The following FNDC3B variants were observed in gnomAD, a reference collection of about 807,000 sequenced individuals.
FNDC3B encodes the protein fibronectin type III domain containing 3B.
In FNDC3B, 12 loss-of-function variants were observed where a neutral mutation model predicts 151.5. The observed-to-expected ratio is 0.08, with a 90% CI of 0.05 to 0.13. The LOEUF (loss-of-function observed/expected upper bound fraction) is 0.13, where lower values mean the gene tolerates loss of function less well. Ranked by LOEUF, FNDC3B falls within the 10% of genes least tolerant of loss-of-function variation. The probability of loss-of-function intolerance (pLI) is 1.00; values close to 1 mark genes in which losing one functional copy is unlikely to be tolerated. For synonymous variants in FNDC3B, 528 were observed against 549.0 expected, an observed-to-expected ratio of 0.96 and a Z score of 0.54; for missense variants, 1,214 against 1,505.3, an observed-to-expected ratio of 0.81 and a Z score of 3.20.
chr3:172,377,080 T>C (rs1365397860), intron 23 of FNDC3B, among the ~76,000 whole-genome samples: 2 of 152,196 alleles, frequency 1.3e-5, no homozygotes, highest in Admixed American at 6.5e-5. Context: ...CAGCAGATGT[T>C]CAAGAAATGT....
intron 23 of FNDC3B, among the ~76,000 whole-genome samples, chr3:172,372,183 C>T (rs1163269774): frequency 2.0e-5 from 3 of 152,166 alleles, no homozygotes; most frequent in Non-Finnish European, 2.9e-5. Flanking sequence ...TGTGTTGTAT[C>T]CAAACTCCCT....
At chr3:172,268,240 T>G (rs371018942) in intron 6 of FNDC3B, among the ~76,000 whole-genome samples, 43 of 152,374 alleles carry the variant, frequency 2.8e-4, no homozygotes, top group African/African-American at 9.9e-4. Flanking sequence ...GCATACTTAA[T>G]TATATAGTTT....
At chr3:172,310,280 T>C (rs148750551) in intron 10 of FNDC3B, among the ~76,000 whole-genome samples, 1,559 of 152,336 alleles carry the variant, frequency 0.01, 28 homozygotes, top group African/African-American at 0.036. Context: ...TGCTAACGTA[T>C]GAAGGATGAA....
chr3:172,080,443 AT>A (rs1553758865), intron 1 of FNDC3B, among the ~76,000 whole-genome samples: 5 of 149,238 alleles, frequency 3.4e-5, no homozygotes, highest in African/African-American at 4.9e-5. Flanking sequence ...GCTAATTTAA[AT>A]TTTTTTTTTT....
chr3:172,169,774 T>C (rs952114473), intron 3 of FNDC3B, among the ~76,000 whole-genome samples: 2 of 152,258 alleles, frequency 1.3e-5, no homozygotes, highest in African/African-American at 4.8e-5. Flanking sequence ...CTGGATGAGT[T>C]ACTTTGTTCC....
intron 3 of FNDC3B, among the ~76,000 whole-genome samples, chr3:172,154,144 C>A (rs952056797): frequency 1.4e-4 from 22 of 152,074 alleles, no homozygotes; most frequent in African/African-American, 5.1e-4. Flanking sequence ...TTCTAATAGG[C>A]CCCCCAAAAG....
At chr3:172,241,757 A>T (rs576055776) in intron 4 of FNDC3B, among the ~76,000 whole-genome samples, 19 of 152,336 alleles carry the variant, frequency 1.2e-4, no homozygotes, top group African/African-American at 3.6e-4. Flanking sequence ...AAACCATATC[A>T]TTATGTACCT....
At chr3:172,295,049 A>C (rs1021584099) in intron 7 of FNDC3B, among the ~76,000 whole-genome samples, 7 of 152,212 alleles carry the variant, frequency 4.6e-5, no homozygotes, top group Non-Finnish European at 1.0e-4. Flanking sequence ...TCTTCCACAT[A>C]ATGTAGAAAT....
intron 1 of FNDC3B, among the ~76,000 whole-genome samples, chr3:172,068,352 T>C (rs1430817537): frequency 6.6e-6 from 1 of 152,110 alleles, no homozygotes; most frequent in African/African-American, 2.4e-5. Flanking sequence ...TCCTCAGACA[T>C]TTTACTTGAA....
At chr3:172,282,327 C>CT (rs1576870091) in intron 6 of FNDC3B, among the ~76,000 whole-genome samples, 1 of 150,280 alleles carries the variant, frequency 6.7e-6, no homozygotes, top group African/African-American at 2.4e-5. Flanking sequence ...ATTTTTCTCT[C>CT]TTTTTTCCCA....
intron 3 of FNDC3B, among the ~76,000 whole-genome samples, chr3:172,152,639 T>A (rs112105893): frequency 4.1e-5 from 6 of 147,602 alleles, no homozygotes; most frequent in African/African-American, 1.5e-4. Flanking sequence ...ACATTGGGGC[T>A]GTCTTTTAAG....
intron 8 of FNDC3B, among the ~76,000 whole-genome samples, chr3:172,296,646 C>T (rs1730621707): frequency 6.6e-6 from 1 of 152,184 alleles, no homozygotes; most frequent in South Asian, 2.1e-4. Context: ...GGCTCATCAC[C>T]GTTTTATTCT....
At chr3:172,317,372 G>A (rs902231475) in intron 11 of FNDC3B, 6 of 283,868 alleles carry the variant, frequency 2.1e-5, no homozygotes, top group Non-Finnish European at 3.5e-5. Flanking sequence ...TTTTAATAGA[G>A]ACGGGGTTTC....
intron 4 of FNDC3B, among the ~76,000 whole-genome samples, chr3:172,244,209 G>C (rs904190162): frequency 4.6e-5 from 7 of 152,102 alleles, no homozygotes; most frequent in African/African-American, 1.7e-4. Context: ...TTGAATACAG[G>C]TGATTCATCT....
At chr3:172,322,162 A>G (rs1247317443) in intron 11 of FNDC3B, among the ~76,000 whole-genome samples, 1 of 152,160 alleles carries the variant, frequency 6.6e-6, no homozygotes, top group Non-Finnish European at 1.5e-5. Context: ...TCTGTGCTCT[A>G]TCATATCTAG....
rs1729551576 is a variant in FNDC3B, at chr3:172,278,647, C to T, written c.791-7279C>T. ...TCTTAAAAACACTAGCAGCCTTTGG[C>T]CGGGTGTGGTGGCTCACGCCTGTAA... On this transcript the variant is annotated intron_variant, in intron 6 of 25. Coordinates refer to ENST00000415807, the MANE Select transcript of FNDC3B (RefSeq NM_022763.4). Among the ~76,000 whole-genome samples, 3 of 152,330 alleles carry T rather than the reference C, an allele frequency of 2.0e-5. No homozygotes were observed. In the South Asian group the frequency reaches 6.2e-4, roughly 32 times the overall value.
At chr3:172,275,635 T>C (rs1165120914) in intron 6 of FNDC3B, among the ~76,000 whole-genome samples, 1 of 152,222 alleles carries the variant, frequency 6.6e-6, no homozygotes, top group Non-Finnish European at 1.5e-5. Context: ...AGAGCTTCTA[T>C]TCCTCAGAGT....
chr3:172,233,864 T>C (rs1469101246), intron 4 of FNDC3B, among the ~76,000 whole-genome samples: 1 of 152,188 alleles, frequency 6.6e-6, no homozygotes, highest in Non-Finnish European at 1.5e-5. Context: ...ATAGTGTACA[T>C]TGTGTGCATG....
chr3:172,318,091 C>T (rs1025541488), intron 11 of FNDC3B, among the ~76,000 whole-genome samples: 1 of 152,238 alleles, frequency 6.6e-6, no homozygotes, highest in Non-Finnish European at 1.5e-5. Flanking sequence ...TTACTCATGA[C>T]TCAGCTAGCC....
Sources: gnomAD v4.1 joint callset for allele counts (sites outside exome capture counted in the v4.1 genomes callset) on GRCh38, gnomAD v4.1.1 for gene constraint, MANE v1.5 for transcripts, NCBI Gene and HGNC (gene_info 2026-07-23, HGNC 2026-07-21) for gene names.